The following GATAD1 variants were observed in gnomAD, a reference collection of about 807,000 sequenced individuals.
The protein encoded by GATAD1 is GATA zinc finger domain containing 1.
In GATAD1, 12 loss-of-function variants were observed where a neutral mutation model predicts 26.5. The ratio of observed to expected loss-of-function variants is 0.45; its 90% CI spans 0.29 to 0.73. The LOEUF is 0.73. Ranked by LOEUF, GATAD1 falls within the 30% of genes least tolerant of loss-of-function variation. The pLI is 0.10. For synonymous variants in GATAD1, 129 were observed against 133.1 expected (o/e 0.97, Z 0.21); for missense variants, 266 against 342.1 (o/e 0.78, Z 1.75).
rs544620943 is a variant in GATAD1, at chr7:92,454,768, G to A, written c.619+83G>A. 45 of 950,676 alleles carry A rather than the reference G, an allele frequency of 4.7e-5. No homozygotes were observed. The Middle Eastern group carries it at 8.9e-4, about 19-fold the overall frequency. 58.9% of individuals were successfully genotyped at this position (950,676 alleles called of 1,614,324 possible). On this transcript the variant is annotated intron_variant, in intron 4 of 4. Coordinates refer to ENST00000287957, the MANE Select transcript of GATAD1 (RefSeq NM_021167.5). ...GTAAAAGAGTGTGTTAGTCAGCTTG[G>A]GCTGTCAGGACAAAATATCACAGAC...
At position 92,456,765 on chromosome 7, in the gene GATAD1, G is replaced by T; in HGVS notation, c.*203G>T. The T allele has an allele frequency of 4.4e-6, 2 of 449,718 alleles. No homozygotes were observed. The highest frequency in any genetic ancestry group is 5.9e-5 in the South Asian group (1 of 16,900). 27.9% of individuals were successfully genotyped at this position (449,718 alleles called of 1,614,324 possible). ...GTATCTTTAAATGAAATTCTTAGCT[G>T]GAAAAGTGACTAAAAAGTTTTTCTC... On this transcript the variant is annotated 3_prime_UTR_variant, in exon 5 of 5. Transcript: ENST00000287957.
At chr7:92,494,580 T>C in the GATAD1 span, 10 of 1,613,926 alleles carry the variant, frequency 6.2e-6, no homozygotes, top group Non-Finnish European at 8.5e-6. Context: ...CGAGGAGCAA[T>C]GGATTCAAAT....
At chr7:92,450,339 A>G (rs1299625215) in intron 2 of GATAD1, 1 of 192,726 alleles carries the variant, frequency 5.2e-6, no homozygotes, top group Non-Finnish European at 1.1e-5. Context: ...CTTTGTATTC[A>G]TCTGTACATT....
chr7:92,448,059 G>A, intron 1 of GATAD1, 81 bp downstream of exon 1: 18 of 1,075,274 alleles, frequency 1.7e-5, no homozygotes, highest in Non-Finnish European at 2.1e-5. Context: ...GGAGCGGGCG[G>A]GCGCGGGCTT....
chr7:92,490,159 T>G, the GATAD1 span: 7 of 516,052 alleles, frequency 1.4e-5, no homozygotes, highest in Middle Eastern at 5.3e-4. Context: ...TTTTTTAACT[T>G]TGTTGCTTAA....
At chr7:92,476,098 G>A in the GATAD1 span, among the ~76,000 whole-genome samples, 9 of 152,166 alleles carry the variant, frequency 5.9e-5, no homozygotes, top group Non-Finnish European at 1.2e-4. Context: ...GCCTAGGTCT[G>A]GTCGGACCTT....
the GATAD1 span, chr7:92,491,682 A>AT: frequency 1.8e-6 from 1 of 571,316 alleles, no homozygotes; most frequent in South Asian, 2.1e-5. Flanking sequence ...TATTAAAATT[A>AT]TAAAGACAAG....
Position 92,459,773 on chromosome 7 carries a change from C to G in GATAD1, c.*3211C>G, listed in dbSNP as rs944477501. On this transcript the variant is annotated 3_prime_UTR_variant, in exon 5 of 5. Transcript: ENST00000287957. ...TGACAGGGATGCTGTGTTTTATTTA[C>G]TCATCTTTGTAACTTCCACATAACC... 1.3e-5 allele frequency among the ~76,000 whole-genome samples: 2 copies of G among 152,186 alleles called. No individual in the cohort carries two copies. Among genetic ancestry groups the G allele is most frequent in the Non-Finnish European group, 2.9e-5 (2 of 68,034 alleles).
At position 92,456,617 on chromosome 7, in the gene GATAD1, C is replaced by A; in HGVS notation, c.*55C>A. 1.8e-6 allele frequency: 2 copies of A among 1,107,040 alleles called. No individual in the cohort carries two copies. Among genetic ancestry groups the A allele is most frequent in the Non-Finnish European group, 2.7e-6 (2 of 747,314 alleles). 68.6% of individuals were successfully genotyped at this position (1,107,040 alleles called of 1,614,324 possible). A position where few individuals can be genotyped will look rare whatever the true frequency, so the allele number is the denominator to read the frequency against. On this transcript the variant is annotated 3_prime_UTR_variant, in exon 5 of 5. Transcript: ENST00000287957. ...TGGTGTGGTGGCTCACGCCTGTAGC[C>A]CCAGCTATTGCACCACTGCTCTCCA...
downstream of GATAD1, among the ~76,000 whole-genome samples, chr7:92,462,274 T>C (rs1311653084): frequency 6.6e-6 from 1 of 151,914 alleles, no homozygotes; most frequent in Non-Finnish European, 1.5e-5. Flanking sequence ...TCATCAGAAA[T>C]ACCATTTACA....
chr7:92,449,223 G>T, intron 2 of GATAD1: 1 of 912,594 alleles, frequency 1.1e-6, no homozygotes, highest in Non-Finnish European at 1.3e-6. Flanking sequence ...GGTACACTAA[G>T]AAAACTTTTT....
At chr7:92,482,346 G>A in the GATAD1 span, among the ~76,000 whole-genome samples, 3 of 152,224 alleles carry the variant, frequency 2.0e-5, no homozygotes, top group Non-Finnish European at 2.9e-5. Flanking sequence ...GTGCTACAGG[G>A]TGGATAGGCA....
At chr7:92,471,651 G>T in the GATAD1 span, 2 of 152,086 alleles carry the variant, frequency 1.3e-5, no homozygotes, top group Non-Finnish European at 2.9e-5. Context: ...AGCTCTTTTG[G>T]CTTCAATATC....
At chr7:92,462,976 A>G (rs1789976145), downstream of GATAD1, 2 of 152,022 alleles carry the variant, frequency 1.3e-5, no homozygotes, top group African/African-American at 4.8e-5. Context: ...GCTGACAGAG[A>G]TAGAAACAAC....
At chr7:92,489,607 C>CGG in the GATAD1 span, 2 of 1,118,376 alleles carry the variant, frequency 1.8e-6, no homozygotes, top group Non-Finnish European at 2.7e-6. Context: ...GTTCTGGTCC[C>CGG]TTGTTTATAA....
the GATAD1 span, among the ~76,000 whole-genome samples, chr7:92,465,485 G>T: frequency 6.6e-6 from 1 of 152,058 alleles, no homozygotes; most frequent in Non-Finnish European, 1.5e-5. Flanking sequence ...GGCTGTGGTG[G>T]CCGCTGCCTG....
At chr7:92,494,817 TTA>T in the GATAD1 span, among the ~76,000 whole-genome samples, 1 of 151,196 alleles carries the variant, frequency 6.6e-6, no homozygotes, top group African/African-American at 2.4e-5. Flanking sequence ...ATAAATGTAT[TTA>T]TATATATTTA....
At chr7:92,469,109 T>A in the GATAD1 span, 1 of 702,288 alleles carries the variant, frequency 1.4e-6, no homozygotes, top group Non-Finnish European at 2.6e-6. Flanking sequence ...CTACGTTGTA[T>A]TCGATCTCGA....
the GATAD1 span, among the ~76,000 whole-genome samples, chr7:92,467,607 C>T: frequency 6.6e-6 from 1 of 152,208 alleles, no homozygotes; most frequent in Non-Finnish European, 1.5e-5. Flanking sequence ...CTGATCAAGT[C>T]GCAAAGCTGA....
Sources: allele counts gnomAD v4.1 joint callset (sites outside exome capture counted in the v4.1 genomes callset), GRCh38; gene constraint gnomAD v4.1.1; transcripts MANE v1.5; gene names NCBI Gene and HGNC (gene_info 2026-07-23, HGNC 2026-07-21).